Variants in CTSS observed in about 807,000 individuals in gnomAD.
The protein encoded by CTSS is cathepsin S.
A neutral mutation model predicts 39.9 loss-of-function variants in CTSS; 15 were observed. The ratio of observed to expected loss-of-function variants is 0.38; its 90% confidence interval spans 0.25 to 0.58. The LOEUF (loss-of-function observed/expected upper bound fraction) is 0.58. CTSS is among the 20% of genes least tolerant of loss of function. The pLI, the probability that CTSS is intolerant of heterozygous loss-of-function variation, is 0.70. For synonymous variants in CTSS, 126 were observed against 138.2 expected, an observed-to-expected ratio of 0.91 and a Z score of 0.62; for missense variants, 250 against 398.2, an observed-to-expected ratio of 0.63 and a Z score of 3.17.
rs777044722 is a variant in CTSS at position 150,751,830 on chromosome 1, A to G, written c.578T>C (p.Ile193Thr). 6 of 1,614,174 alleles carry G rather than the reference A, an allele frequency of 3.7e-6. No homozygotes were observed. The highest frequency in any genetic ancestry group is 2.2e-5 in the East Asian group (1 of 44,886). The part of the protein sequence containing the change: ...GFMTTAFQYI[I>T]DNKGIDSDAS... ...GTCTGAGTCGATGCCCTTGTTATCA[A>G]TGATGTACTGGAAAGCCGTTGTCAT... The change falls in exon 5 of 8, where the codon ATT becomes ACT. Residue 193 changes from isoleucine (I) to threonine (T), a missense_variant. Ile to Thr is a moderately conservative substitution (Grantham distance 89). Transcript: ENST00000368985.
rs933714884 is a variant in CTSS at position 150,730,617 on chromosome 1, T to C, written c.*2429A>G. On this transcript the variant is annotated 3_prime_UTR_variant, in exon 8 of 8. Coordinates refer to ENST00000368985, the MANE Select transcript of CTSS (RefSeq NM_004079.5). The stretch of plus-strand genomic sequence containing the variant: ...TTCCTCAAATGCCTTCAGCTTAAAA[T>C]ATTCAATATGTCAAAGTGCTGTATT... 1.3e-5 allele frequency: 2 copies of C among 152,194 alleles called. No homozygotes were observed. The highest frequency in any genetic ancestry group is 2.9e-5 in the Non-Finnish European group (2 of 68,024). The allele number at this position is 152,194 out of a possible 1,614,324, so 9.4% of individuals were successfully genotyped here. A position where few individuals can be genotyped will look rare whatever the true frequency, so the allele number is the denominator to read the frequency against.
intron 7 of CTSS, among the ~76,000 whole-genome samples, chr1:150,735,639 A>C (rs1652619602): frequency 6.6e-6 from 1 of 151,756 alleles, no homozygotes; most frequent in Non-Finnish European, 1.5e-5. Context: ...CCCTGGTTGG[A>C]GTGTGGTGGT....
chr1:150,755,229 C>A, intron 3 of CTSS, 79 bp from the exon 4 acceptor site: 1 of 1,496,146 alleles, frequency 6.7e-7, no homozygotes, highest in South Asian at 1.2e-5. Flanking sequence ...GTGATTTTGT[C>A]ATTGTGAAAA....
chr1:150,742,203 G>A (rs1257140162), intron 7 of CTSS, among the ~76,000 whole-genome samples: 2 of 151,824 alleles, frequency 1.3e-5, no homozygotes, highest in Non-Finnish European at 2.9e-5. Flanking sequence ...GTTGCGGTGA[G>A]CTGAGATCAT....
chr1:150,761,015 C>G (rs1653245221), intron 2 of CTSS, among the ~76,000 whole-genome samples: 1 of 151,360 alleles, frequency 6.6e-6, no homozygotes, highest in Non-Finnish European at 1.5e-5. Context: ...CCCATCTCTA[C>G]TAAAAACACA....
In CTSS at chr1:150,731,435, T is replaced by C. The variant is rs1320944723; in HGVS notation, c.*1611A>G. The C allele has an allele frequency of 6.6e-6, 1 of 152,236 alleles. No homozygotes were observed. The highest frequency in any genetic ancestry group is 1.5e-5 in the Non-Finnish European group (1 of 68,042). The allele number at this position is 152,236 out of a possible 1,614,324, so 9.4% of individuals were successfully genotyped here. On this transcript the variant is annotated 3_prime_UTR_variant, in exon 8 of 8. Transcript: ENST00000368985. ...AGTAATCAACTAAATACTTTTAAAC[T>C]ATAATATTCTATACACTTTTGATGA... is the stretch of plus-strand genomic sequence containing the variant.
chr1:150,743,460 T>C (rs941665779), intron 7 of CTSS, among the ~76,000 whole-genome samples: 1 of 146,706 alleles, frequency 6.8e-6, no homozygotes, highest in Admixed American at 7.1e-5. Flanking sequence ...CGGTGGTGGC[T>C]CACGCCTGTA....
At chr1:150,759,553 T>G (rs901198678) in intron 2 of CTSS, among the ~76,000 whole-genome samples, 1 of 152,240 alleles carries the variant, frequency 6.6e-6, no homozygotes, top group African/African-American at 2.4e-5. Flanking sequence ...GACAATATTT[T>G]TTATTTTCAA....
intron 7 of CTSS, among the ~76,000 whole-genome samples, chr1:150,739,892 C>G (rs587712638): frequency 7.8e-6 from 1 of 128,146 alleles, no homozygotes; most frequent in Non-Finnish European, 1.7e-5. Flanking sequence ...AATAACCTGC[C>G]GAAGTTCTTC....
chr1:150,758,059 T>C, intron 2 of CTSS, 79 bp from the exon 3 acceptor site: 1 of 1,478,976 alleles, frequency 6.8e-7, no homozygotes, highest in East Asian at 2.3e-5. Flanking sequence ...GGCAATTTTT[T>C]TTTTTTTTGA....
chr1:150,733,041 A>T lies in CTSS; in HGVS notation c.*5T>A. On this transcript the variant is annotated 3_prime_UTR_variant, in exon 8 of 8. Coordinates refer to ENST00000368985, the MANE Select transcript of CTSS (RefSeq NM_004079.5). ...TCTTGATTTGTTATAAAAAGGAGAG[A>T]TCCTCTAGATTTCTGGGTAAGAGGG... 6.3e-7 allele frequency: 1 copy of T among 1,594,534 alleles called. No homozygotes were observed. The highest frequency in any genetic ancestry group is 1.1e-5 in the South Asian group (1 of 89,918).
chr1:150,751,189 A>G (rs1652998488), intron 5 of CTSS, among the ~76,000 whole-genome samples: 1 of 152,168 alleles, frequency 6.6e-6, no homozygotes, highest in Admixed American at 6.5e-5. Flanking sequence ...AAGGTTGAGC[A>G]TGGGAGGCTG....
intron 2 of CTSS, among the ~76,000 whole-genome samples, chr1:150,764,070 T>C (rs781650634): frequency 3.3e-5 from 5 of 152,102 alleles, no homozygotes; most frequent in Non-Finnish European, 7.4e-5. Flanking sequence ...TGCCTTCTGT[T>C]ATTTTTATCT....
chr1:150,739,062 T>G (rs995492819), intron 7 of CTSS, among the ~76,000 whole-genome samples: 30 of 151,934 alleles, frequency 2.0e-4, no homozygotes, highest in African/African-American at 7.0e-4. Flanking sequence ...GGTGTGGTGG[T>G]GCGTGCCTGT....
intron 7 of CTSS, among the ~76,000 whole-genome samples, chr1:150,741,224 C>G (rs1571094186): frequency 6.6e-6 from 1 of 151,652 alleles, no homozygotes; most frequent in East Asian, 1.9e-4. Context: ...TCTTAAACTC[C>G]TGGCCTCAAG....
chr1:150,754,864 G>C, intron 4 of CTSS, 137 bp downstream of exon 4: 1 of 898,150 alleles, frequency 1.1e-6, no homozygotes, highest in Non-Finnish European at 1.7e-6. Context: ...TTATAATTTA[G>C]TTGGGAAGAC....
At chr1:150,750,243 G>T in intron 5 of CTSS, 72 bp from the exon 6 acceptor site, 1 of 1,174,498 alleles carries the variant, frequency 8.5e-7, no homozygotes. Flanking sequence ...CCTAAGCCTG[G>T]ATTTTAAATG....
intron 7 of CTSS, among the ~76,000 whole-genome samples, chr1:150,744,848 T>G (rs80285815): frequency 0.014 from 2,097 of 151,584 alleles, 56 homozygotes; most frequent in African/African-American, 0.048. Context: ...GCTTGTTGAA[T>G]GAATGAGTGA....
At chr1:150,735,726 C>T (rs1652621680) in intron 7 of CTSS, among the ~76,000 whole-genome samples, 1 of 151,452 alleles carries the variant, frequency 6.6e-6, no homozygotes, top group Non-Finnish European at 1.5e-5. Flanking sequence ...GTAGCTAGGA[C>T]CACATGTGCA....
Sources: gnomAD v4.1 joint callset for allele counts (sites outside exome capture counted in the v4.1 genomes callset) on GRCh38, gnomAD v4.1.1 for gene constraint, MANE v1.5 for transcripts, NCBI Gene and HGNC (gene_info 2026-07-23, HGNC 2026-07-21) for gene names.